ANKRD12: variants seen among roughly 807,000 people sequenced by gnomAD.
The protein encoded by ANKRD12 is ankyrin repeat domain 12, also known as ankyrin repeat domain-containing protein 12.
In ANKRD12, 85 loss-of-function variants were observed where a neutral mutation model predicts 183.4. The observed-to-expected ratio is 0.46, with a 90% CI of 0.39 to 0.56. The LOEUF is 0.56. Among genes scored for constraint, ANKRD12 ranks in the 20% least tolerant of loss-of-function variants. ANKRD12 has a pLI of 0.00. For synonymous variants in ANKRD12, 914 were observed against 800.2 expected, an observed-to-expected ratio of 1.14 and a Z score of -2.40; for missense variants, 2,405 against 2,357.1, an observed-to-expected ratio of 1.02 and a Z score of -0.42.
chr18:9,156,496 A>G (rs1399404454), intron 1 of ANKRD12, among the ~76,000 whole-genome samples: 1 of 152,204 alleles, frequency 6.6e-6, no homozygotes, highest in Non-Finnish European at 1.5e-5. Context: ...AGTGTGGTTT[A>G]AAAATAAAAA....
chr18:9,157,252 A>G (rs1017732200), intron 1 of ANKRD12, among the ~76,000 whole-genome samples: 3 of 152,164 alleles, frequency 2.0e-5, no homozygotes, highest in Admixed American at 6.5e-5. Context: ...ACAGTAGCCT[A>G]CGGTTGAACA....
intron 1 of ANKRD12, among the ~76,000 whole-genome samples, chr18:9,138,247 T>G (rs4078337): frequency 0.56 from 85,198 of 152,166 alleles, 24,943 homozygotes; most frequent in South Asian, 0.75. Context: ...GCGCGGTGGC[T>G]CATGCCTATA....
rs569367169 is a variant in ANKRD12 at position 9,194,075 on chromosome 18, A to G, written c.88-1476A>G. 2.0e-5 allele frequency among the ~76,000 whole-genome samples: 3 copies of G among 152,256 alleles called. No homozygotes were observed. In the South Asian group the frequency reaches 6.2e-4, roughly 32 times the overall value. ...ATAGGGTTGTAATCTACTGGCCTGG[A>G]TAGATTATTCTTTGGTTCCTGTGAT... On this transcript the variant is annotated intron_variant, in intron 2 of 12. Coordinates refer to ENST00000262126, the MANE Select transcript of ANKRD12 (RefSeq NM_015208.5).
At chr18:9,220,226 T>TA (rs1327590589) in intron 7 of ANKRD12, among the ~76,000 whole-genome samples, 13 of 152,236 alleles carry the variant, frequency 8.5e-5, no homozygotes, top group African/African-American at 3.1e-4. Flanking sequence ...ATCTGTTTCA[T>TA]GTTATTCATT....
chr18:9,183,915 T>G (rs1424558236), intron 2 of ANKRD12, among the ~76,000 whole-genome samples: 1 of 152,180 alleles, frequency 6.6e-6, no homozygotes, highest in Non-Finnish European at 1.5e-5. Context: ...TTTTAAATAT[T>G]TTTCAGTGTA....
At chr18:9,220,396 A>C (rs543004324) in intron 7 of ANKRD12, among the ~76,000 whole-genome samples, 12 of 152,304 alleles carry the variant, frequency 7.9e-5, no homozygotes, top group Non-Finnish European at 1.8e-4. Flanking sequence ...TGTATGATAG[A>C]ACACACCAGT....
intron 1 of ANKRD12, among the ~76,000 whole-genome samples, chr18:9,165,859 TC>T (rs1379594978): frequency 7.9e-6 from 1 of 126,180 alleles, no homozygotes; most frequent in Admixed American, 8.2e-5. Context: ...CCTAATGCTA[TC>T]CCTCCCCCCC....
intron 12 of ANKRD12, 134 bp from the exon 13 acceptor site, chr18:9,280,807 T>G: frequency 2.5e-6 from 2 of 802,990 alleles, no homozygotes; most frequent in Non-Finnish European, 3.9e-6. Flanking sequence ...AAGAAAGAAA[T>G]GGACTTGTAA....
intron 8 of ANKRD12, among the ~76,000 whole-genome samples, chr18:9,251,342 C>A (rs1224710005): frequency 6.6e-6 from 1 of 152,280 alleles, no homozygotes; most frequent in Admixed American, 6.5e-5. Flanking sequence ...AACAGTTAAG[C>A]CTAAGGATAA....
At chr18:9,194,361 T>TTATG (rs899507314) in intron 2 of ANKRD12, among the ~76,000 whole-genome samples, 2 of 139,804 alleles carry the variant, frequency 1.4e-5, no homozygotes, top group African/African-American at 5.5e-5. Context: ...ATTTATTTAT[T>TTATG]TATTTATTTA....
intron 10 of ANKRD12, among the ~76,000 whole-genome samples, chr18:9,265,618 A>G (rs1218187488): frequency 6.6e-6 from 1 of 152,128 alleles, no homozygotes; most frequent in Non-Finnish European, 1.5e-5. Flanking sequence ...CCAAAACCCC[A>G]TCAGTATGTC....
At chr18:9,183,458 C>A (rs969503355) in intron 2 of ANKRD12, among the ~76,000 whole-genome samples, 2 of 152,042 alleles carry the variant, frequency 1.3e-5, no homozygotes, top group African/African-American at 4.8e-5. Context: ...GTGTTGCATT[C>A]TATTGTTAAA....
intron 11 of ANKRD12, 150 bp downstream of exon 11, chr18:9,275,817 A>C: frequency 1.5e-6 from 1 of 682,722 alleles, no homozygotes; most frequent in Non-Finnish European, 2.3e-6. Flanking sequence ...GAGTACTTCC[A>C]GATCAACTGG....
At chr18:9,253,689 A>G (rs958143934) in intron 8 of ANKRD12, among the ~76,000 whole-genome samples, 3 of 152,204 alleles carry the variant, frequency 2.0e-5, no homozygotes, top group Non-Finnish European at 4.4e-5. Flanking sequence ...CTCTCACCCC[A>G]TTTGAAATGG....
In ANKRD12 at chr18:9,284,378, CAT is replaced by C. The variant is rs1273128901; in HGVS notation, c.*3254_*3255del. ...TAGAAATTGAGTGCAGACCTAAATA[CAT>C]AGTTTTCCAAAAAGAAAATTATTGT... On this transcript the variant is annotated 3_prime_UTR_variant, in exon 13 of 13. Transcript: ENST00000262126. 2.0e-5 allele frequency: 3 copies of C among 152,002 alleles called. No individual in the cohort carries two copies. The highest frequency in any genetic ancestry group is 7.2e-5 in the African/African-American group (3 of 41,390). 9.4% of individuals were successfully genotyped at this position (152,002 alleles called of 1,614,324 possible). A position where few individuals can be genotyped will look rare whatever the true frequency, so the allele number is the denominator to read the frequency against.
In ANKRD12 at chr18:9,256,202, C is replaced by A; in HGVS notation, c.2935C>A (p.Gln979Lys). Residue 979 changes from glutamine (Q) to lysine (K), a missense_variant, in exon 9 of 13, where the codon CAG becomes AAG. By Grantham distance (53) the Gln-to-Lys change is moderately conservative. Around this residue, in one of 7 missense-constraint regions of ANKRD12, gnomAD observed 1,983 missense variants for 1,725.9 expected, o/e 1.15. Transcript: ENST00000262126. ...AAATATAACTAACTCCAAACACATA[C>A]AGGAAGAAAAAAAATCAAGTATAGT... ...SINITNSKHI[Q>K]EEKKSSIVDG... The A allele has an allele frequency of 1.3e-6, 2 of 1,571,832 alleles. No individual in the cohort carries two copies. Among genetic ancestry groups the A allele is most frequent in the Non-Finnish European group, 1.7e-6 (2 of 1,166,258 alleles).
At chr18:9,184,581 G>A (rs2033922632) in intron 2 of ANKRD12, among the ~76,000 whole-genome samples, 1 of 152,066 alleles carries the variant, frequency 6.6e-6, no homozygotes, top group Non-Finnish European at 1.5e-5. Context: ...ATGTCGCCCA[G>A]TCTAGTCTGA....
At chr18:9,268,433 G>T (rs972094537) in intron 10 of ANKRD12, among the ~76,000 whole-genome samples, 5 of 152,126 alleles carry the variant, frequency 3.3e-5, no homozygotes, top group African/African-American at 1.2e-4. Context: ...ATGATCAAGT[G>T]GGCTTCATCC....
At chr18:9,195,488 G>A in intron 2 of ANKRD12, 63 bp from the exon 3 acceptor site, 1 of 1,274,896 alleles carries the variant, frequency 7.8e-7, no homozygotes, top group Non-Finnish European at 1.0e-6. Flanking sequence ...TTCCTTAGGG[G>A]TTTCTATACT....
Sources: gnomAD v4.1 joint callset for allele counts (sites outside exome capture counted in the v4.1 genomes callset) on GRCh38, gnomAD v4.1.1 for gene constraint, gnomAD v4.1.1 regional missense constraint, MANE v1.5 for transcripts, NCBI Gene and HGNC (gene_info 2026-07-23, HGNC 2026-07-21) for gene names.